Variants in NKAIN2 observed in about 807,000 individuals in gnomAD.
NKAIN2 encodes sodium/potassium-transporting ATPase subunit beta-1-interacting protein 2.
Under a neutral mutation model 32.6 loss-of-function variants are expected in NKAIN2, and 14 were observed. The ratio of observed to expected loss-of-function variants is 0.43; its 90% confidence interval spans 0.28 to 0.67. The LOEUF is 0.67. NKAIN2 is among the 30% of genes least tolerant of loss of function. The pLI is 0.17. For synonymous variants in NKAIN2, 80 were observed against 87.2 expected (o/e 0.92, Z 0.46); for missense variants, 198 against 258.3 (o/e 0.77, Z 1.60).
chr6:123,986,182 G>T (rs570521201), intron 1 of NKAIN2, among the ~76,000 whole-genome samples: 2 of 152,258 alleles, frequency 1.3e-5, no homozygotes, highest in African/African-American at 4.8e-5. Context: ...TTATAAAGTT[G>T]AAGTCTAATA....
Position 124,435,395 on chromosome 6 carries a change from G to A in NKAIN2, c.273+80048G>A, listed in dbSNP as rs190706226. ...AAGAAAGGAAAATTACGGTTGATGA[G>A]TATTCTCCGCAACCATCATAGCTAA... is the stretch of plus-strand genomic sequence containing the variant. On this transcript the variant is annotated intron_variant, in intron 3 of 6. Coordinates refer to ENST00000368417, the MANE Select transcript of NKAIN2 (RefSeq NM_001040214.3). Among the ~76,000 whole-genome samples, 21 of 152,238 alleles carry A rather than the reference G, an allele frequency of 1.4e-4. 1 individual carries two copies.
At chr6:124,254,311 T>G (rs1331939320) in intron 1 of NKAIN2, among the ~76,000 whole-genome samples, 3 of 152,178 alleles carry the variant, frequency 2.0e-5, no homozygotes, top group Non-Finnish European at 2.9e-5. Context: ...CATTCCTGTT[T>G]TGTTATATTT....
At chr6:124,233,658 C>A (rs1792580968) in intron 1 of NKAIN2, among the ~76,000 whole-genome samples, 1 of 152,096 alleles carries the variant, frequency 6.6e-6, no homozygotes, top group Admixed American at 6.6e-5. Flanking sequence ...ACATTGATGA[C>A]ATATAGATGT....
chr6:124,478,032 G>A (rs747169888), intron 3 of NKAIN2, among the ~76,000 whole-genome samples: 9 of 151,756 alleles, frequency 5.9e-5, no homozygotes, highest in Non-Finnish European at 1.3e-4. Context: ...CCTTTGAAGC[G>A]ACAAGCACAA....
intron 3 of NKAIN2, among the ~76,000 whole-genome samples, chr6:124,482,949 T>C (rs750231270): frequency 1.4e-4 from 21 of 152,198 alleles, no homozygotes; most frequent in Non-Finnish European, 2.2e-4. Flanking sequence ...GGTGAAACCC[T>C]GTCTCTACTA....
chr6:124,606,163 C>T (rs778219885), intron 3 of NKAIN2, among the ~76,000 whole-genome samples: 1 of 151,792 alleles, frequency 6.6e-6, no homozygotes, highest in Non-Finnish European at 1.5e-5. Flanking sequence ...GTGATAGTAC[C>T]TCTCCTCACC....
chr6:124,046,905 A>G (rs982801040), intron 1 of NKAIN2, among the ~76,000 whole-genome samples: 2 of 152,038 alleles, frequency 1.3e-5, no homozygotes, highest in African/African-American at 4.8e-5. Context: ...CCAGGAAAGT[A>G]TATTGGAATG....
chr6:124,510,031 A>C (rs1778649725), intron 3 of NKAIN2, among the ~76,000 whole-genome samples: 1 of 152,194 alleles, frequency 6.6e-6, no homozygotes, highest in Non-Finnish European at 1.5e-5. Context: ...AGCCTCTTTA[A>C]CACATGAACA....
chr6:124,327,288 G>A (rs1025953718), intron 2 of NKAIN2, among the ~76,000 whole-genome samples: 1 of 152,080 alleles, frequency 6.6e-6, no homozygotes, highest in Non-Finnish European at 1.5e-5. Context: ...AGTAGTAGGA[G>A]CCATAGCTTT....
chr6:124,052,005 A>G (rs1782428170), intron 1 of NKAIN2, among the ~76,000 whole-genome samples: 1 of 152,074 alleles, frequency 6.6e-6, no homozygotes, highest in African/African-American at 2.4e-5. Flanking sequence ...AGACTCCTGG[A>G]CTAGGTGGTA....
chr6:124,363,206 A>G (rs1799371571), intron 3 of NKAIN2, among the ~76,000 whole-genome samples: 1 of 152,192 alleles, frequency 6.6e-6, no homozygotes, highest in African/African-American at 2.4e-5. Flanking sequence ...ATATGTTTGT[A>G]TAATGTATCT....
At chr6:123,911,471 T>G (rs2114455768) in intron 1 of NKAIN2, among the ~76,000 whole-genome samples, 1 of 151,940 alleles carries the variant, frequency 6.6e-6, no homozygotes, top group African/African-American at 2.4e-5. Flanking sequence ...GAGTGAGAAC[T>G]CACTCACTCC....
At chr6:124,730,715 C>A (rs1776621090) in intron 4 of NKAIN2, among the ~76,000 whole-genome samples, 1 of 151,384 alleles carries the variant, frequency 6.6e-6, no homozygotes, top group Non-Finnish European at 1.5e-5. Context: ...CAAATGGGAT[C>A]TAATGAAACT....
intron 4 of NKAIN2, among the ~76,000 whole-genome samples, chr6:124,662,476 C>G: frequency 6.6e-6 from 1 of 152,146 alleles, no homozygotes; most frequent in Non-Finnish European, 1.5e-5. Flanking sequence ...TCGGTTATAT[C>G]TATTCCCTAT....
intron 4 of NKAIN2, among the ~76,000 whole-genome samples, chr6:124,790,048 A>T (rs1779675295): frequency 6.6e-6 from 1 of 152,018 alleles, no homozygotes; most frequent in South Asian, 2.1e-4. Flanking sequence ...CTGCCTCCCC[A>T]GTGTGGGCAC....
At chr6:124,706,089 G>A (rs574608369) in intron 4 of NKAIN2, among the ~76,000 whole-genome samples, 30 of 152,168 alleles carry the variant, frequency 2.0e-4, no homozygotes, top group Admixed American at 3.9e-4. Flanking sequence ...TTAAGTTCCC[G>A]AAAACAAGAA....
At chr6:124,479,094 G>A (rs1313944768) in intron 3 of NKAIN2, among the ~76,000 whole-genome samples, 1 of 152,058 alleles carries the variant, frequency 6.6e-6, no homozygotes, top group Non-Finnish European at 1.5e-5. Flanking sequence ...GACCAGTACT[G>A]TTCAAAACTG....
chr6:124,533,403 T>C (rs1583400375), intron 3 of NKAIN2, among the ~76,000 whole-genome samples: 1 of 128,074 alleles, frequency 7.8e-6, no homozygotes, highest in Non-Finnish European at 1.6e-5. Flanking sequence ...ACCCGGGAGG[T>C]GGAGCTAGCA....
chr6:124,605,266 T>G (rs1395899704), intron 3 of NKAIN2, among the ~76,000 whole-genome samples: 1 of 152,018 alleles, frequency 6.6e-6, no homozygotes, highest in Non-Finnish European at 1.5e-5. Flanking sequence ...AGGTTGGTGG[T>G]ATAGAGAGAG....
Sources: allele counts gnomAD v4.1 joint callset (sites outside exome capture counted in the v4.1 genomes callset), GRCh38; gene constraint gnomAD v4.1.1; transcripts MANE v1.5; gene names NCBI Gene and HGNC (gene_info 2026-07-23, HGNC 2026-07-21).